Variants in EDARADD observed in about 807,000 individuals in gnomAD.
The protein encoded by EDARADD is EDAR associated via death domain.
A neutral mutation model predicts 25.6 loss-of-function variants in EDARADD; 20 were observed. The ratio of observed to expected loss-of-function variants is 0.78; its 90% CI spans 0.55 to 1.14. The LOEUF (loss-of-function observed/expected upper bound fraction) is 1.14, where lower values mean the gene tolerates loss of function less well. Among genes scored for constraint, EDARADD ranks in the 50% most tolerant of loss-of-function variants. EDARADD has a pLI of 0.00. For synonymous variants in EDARADD, 86 were observed against 94.4 expected, an observed-to-expected ratio of 0.91 and a Z score of 0.52; for missense variants, 225 against 270.1, an observed-to-expected ratio of 0.83 and a Z score of 1.17.
chr1:236,369,566 G>T (rs1299105826), intron 3 of EDARADD, among the ~76,000 whole-genome samples: 2 of 152,108 alleles, frequency 1.3e-5, no homozygotes, highest in African/African-American at 2.4e-5. Context: ...CATCGGCCAG[G>T]TGCGGTGGCT....
chr1:236,466,958 T>A (rs1220360491), intron 4 of EDARADD, among the ~76,000 whole-genome samples: 2 of 151,936 alleles, frequency 1.3e-5, no homozygotes, highest in Admixed American at 6.6e-5. Flanking sequence ...TCCCAGCTAC[T>A]TGGGAGGCTG....
chr1:236,405,874 C>CTTCCTTCCTTCCTTCT (rs56931070), intron 1 of EDARADD, among the ~76,000 whole-genome samples: 31 of 30,828 alleles, frequency 1.0e-3, no homozygotes, highest in South Asian at 2.6e-3. Context: ...TCCTTCCTTC[C>CTTCCTTCCTTCCTTCT]TTCTTTCTTT....
intron 3 of EDARADD, among the ~76,000 whole-genome samples, chr1:236,362,998 A>ATATATATATATAT (rs1667068565): frequency 1.7e-5 from 1 of 58,132 alleles, no homozygotes; most frequent in Non-Finnish European, 3.1e-5. Flanking sequence ...AAAAAAAAAA[A>ATATATATATATAT]AAAAAAAAAT....
chr1:236,399,103 G>A lies in EDARADD; in HGVS notation c.61+4598G>A, dbSNP rs113973886. The stretch of plus-strand genomic sequence containing the variant: ...ACTAAGTTTTCTTTGTAAAGTTAAA[G>A]TAAGATGTTTGTATATCCACGTGCA... On this transcript the variant is annotated intron_variant, in intron 1 of 5. Transcript: ENST00000334232. Among the ~76,000 whole-genome samples the A allele has an allele frequency of 1.2e-3, 178 of 152,314 alleles. 1 individual carries two copies. Among genetic ancestry groups the A allele is most frequent in the African/African-American group, 3.8e-3 (160 of 41,572 alleles).
intron 3 of EDARADD, among the ~76,000 whole-genome samples, chr1:236,380,773 C>G (rs748982874): frequency 2.0e-5 from 3 of 152,150 alleles, no homozygotes; most frequent in Non-Finnish European, 2.9e-5. Context: ...AATGCAGTGG[C>G]TATTCACAGG....
intron 3 of EDARADD, among the ~76,000 whole-genome samples, chr1:236,419,879 T>A (rs576343187): frequency 4.1e-4 from 63 of 152,140 alleles, no homozygotes; most frequent in Non-Finnish European, 6.9e-4. Flanking sequence ...CAGCGCATAA[T>A]AGGTGAATGA....
At chr1:236,432,388 C>T (rs1262515438) in intron 4 of EDARADD, among the ~76,000 whole-genome samples, 1 of 115,744 alleles carries the variant, frequency 8.6e-6, no homozygotes, top group African/African-American at 3.0e-5. Flanking sequence ...GACCCTGCCA[C>T]CAAAAGAAAA....
chr1:236,403,973 C>T (rs1404723034), intron 1 of EDARADD, among the ~76,000 whole-genome samples: 1 of 152,190 alleles, frequency 6.6e-6, no homozygotes, highest in Non-Finnish European at 1.5e-5. Flanking sequence ...GAGCCTTGTG[C>T]AGAGTCACCG....
intron 4 of EDARADD, among the ~76,000 whole-genome samples, chr1:236,445,225 T>C (rs1168242949): frequency 6.9e-6 from 1 of 144,012 alleles, no homozygotes; most frequent in East Asian, 2.0e-4. Flanking sequence ...AGCTGGGACA[T>C]AATAAATTCT....
intron 3 of EDARADD, among the ~76,000 whole-genome samples, chr1:236,368,720 G>A (rs754975453): frequency 5.3e-5 from 8 of 152,090 alleles, no homozygotes; most frequent in Non-Finnish European, 1.2e-4. Context: ...GATTACAGGC[G>A]TGAGCCACCG....
At chr1:236,475,789 C>CA (rs200343704) in intron 5 of EDARADD, among the ~76,000 whole-genome samples, 1,505 of 149,570 alleles carry the variant, frequency 0.01, 19 homozygotes, top group African/African-American at 0.036. Flanking sequence ...AAAACACACA[C>CA]ACAAAAAAAC....
At chr1:236,451,476 GC>G (rs1292722458) in intron 4 of EDARADD, among the ~76,000 whole-genome samples, 10 of 151,180 alleles carry the variant, frequency 6.6e-5, no homozygotes, top group Non-Finnish European at 1.2e-4. Flanking sequence ...AGGCTGGAAT[GC>G]AGTGGCATGA....
At chr1:236,457,550 G>A (rs537881579) in intron 4 of EDARADD, among the ~76,000 whole-genome samples, 1 of 152,108 alleles carries the variant, frequency 6.6e-6, no homozygotes, top group South Asian at 2.1e-4. Context: ...GCCAGGCGCA[G>A]TGGCTCACAC....
chr1:236,461,363 C>A (rs1322264003), intron 4 of EDARADD, among the ~76,000 whole-genome samples: 1 of 152,146 alleles, frequency 6.6e-6, no homozygotes, highest in African/African-American at 2.4e-5. Flanking sequence ...CATTCTTTTG[C>A]ATATGGATAT....
In EDARADD at chr1:236,484,403, T is replaced by G; in HGVS notation, c.*1754T>G. On this transcript the variant is annotated 3_prime_UTR_variant, in exon 6 of 6. Transcript: ENST00000334232. The surrounding 1 kb of genome is among the most constrained non-coding windows in gnomAD (Gnocchi z 4.1). ...CCAAGTACAACCAGCTCCTCAGAAT[T>G]GAAGAGGAGCTGGGCAGCAAGGCTA... is the stretch of plus-strand genomic sequence containing the variant. 1.2e-6 allele frequency: 2 copies of G among 1,609,494 alleles called. No homozygotes were observed. The highest frequency in any genetic ancestry group is 2.2e-5 in the South Asian group (2 of 90,948).
chr1:236,449,050 A>G (rs961894959), intron 4 of EDARADD, among the ~76,000 whole-genome samples: 3 of 152,166 alleles, frequency 2.0e-5, no homozygotes, highest in African/African-American at 7.2e-5. Flanking sequence ...GAGGGCTGTG[A>G]GGGAGATTCT....
intron 3 of EDARADD, among the ~76,000 whole-genome samples, chr1:236,381,633 G>A (rs912269537): frequency 1.3e-5 from 2 of 151,542 alleles, no homozygotes; most frequent in African/African-American, 4.8e-5. Context: ...TATTTTTTAA[G>A]CTGGGCATGG....
chr1:236,455,103 G>A (rs1431223260), intron 4 of EDARADD, among the ~76,000 whole-genome samples: 1 of 152,080 alleles, frequency 6.6e-6, no homozygotes, highest in Non-Finnish European at 1.5e-5. Flanking sequence ...CCAGCTACTT[G>A]GGAGGCTGAA....
At position 236,483,614 on chromosome 1, in the gene EDARADD, C is replaced by G. The variant is rs1659747065; in HGVS notation, c.*965C>G. 5 of 1,536,962 alleles carry G rather than the reference C, an allele frequency of 3.3e-6. No homozygotes were observed. The highest frequency in any genetic ancestry group is 2.2e-5 in the South Asian group (2 of 89,446). On this transcript the variant is annotated 3_prime_UTR_variant, in exon 6 of 6. Coordinates refer to ENST00000334232, the MANE Select transcript of EDARADD (RefSeq NM_145861.4). ...AAGTCATCTTGCCAGTCCCGGTGTT[C>G]AATGTCATCAATGGCAGTTCTCATG...
Sources: gnomAD v4.1 joint callset for allele counts (sites outside exome capture counted in the v4.1 genomes callset) on GRCh38, gnomAD v4.1.1 for gene constraint, Gnocchi (gnomAD v3.1) non-coding constraint, MANE v1.5 for transcripts, NCBI Gene and HGNC (gene_info 2026-07-23, HGNC 2026-07-21) for gene names.